CACNA1D: variants seen among roughly 807,000 people sequenced by gnomAD.
The protein encoded by CACNA1D is voltage-dependent L-type calcium channel subunit alpha-1D.
In CACNA1D, 55 loss-of-function variants were observed where a neutral mutation model predicts 257.1. The ratio of observed to expected loss-of-function variants is 0.21; its 90% CI spans 0.17 to 0.27. CACNA1D has a LOEUF of 0.27. Among genes scored for constraint, CACNA1D ranks in the 10% least tolerant of loss-of-function variants. The probability of loss-of-function intolerance (pLI) is 1.00; values close to 1 mark genes in which losing one functional copy is unlikely to be tolerated. For synonymous variants in CACNA1D, 980 were observed against 1,014.9 expected, an observed-to-expected ratio of 0.97 and a Z score of 0.65; for missense variants, 1,876 against 2,784.0, an observed-to-expected ratio of 0.67 and a Z score of 7.34.
At chr3:53,810,523 G>A (rs1033826419) in intron 47 of CACNA1D, 46 of 581,724 alleles carry the variant, frequency 7.9e-5, no homozygotes, top group Non-Finnish European at 1.1e-4. Flanking sequence ...TTGGGAGGCC[G>A]AGGCGGGTGG....
chr3:53,576,971 G>C lies in CACNA1D; in HGVS notation c.484-73808G>C, dbSNP rs754120182. ...TTCCTCTTAATATGTAAGAAGTGCA[G>C]CTTCTTCATATTGGTTCCAAAGGCA... is the stretch of plus-strand genomic sequence containing the variant. On this transcript the variant is annotated intron_variant, in intron 3 of 47. Coordinates refer to ENST00000350061, the MANE Select transcript of CACNA1D (RefSeq NM_001128840.3). Among the ~76,000 whole-genome samples, 481 of 152,186 alleles carry C rather than the reference G, an allele frequency of 3.2e-3. 9 individuals carry two copies. Among genetic ancestry groups the C allele is most frequent in the Non-Finnish European group, 3.6e-3 (245 of 68,032 alleles).
intron 18 of CACNA1D, among the ~76,000 whole-genome samples, chr3:53,732,386 C>A (rs966344024): frequency 6.6e-5 from 10 of 152,174 alleles, no homozygotes; most frequent in Non-Finnish European, 1.0e-4. Context: ...ATTTGACTGG[C>A]ACATTTATTG....
At chr3:53,694,703 G>A (rs1014185924) in intron 8 of CACNA1D, among the ~76,000 whole-genome samples, 3 of 152,170 alleles carry the variant, frequency 2.0e-5, no homozygotes, top group Non-Finnish European at 4.4e-5. Flanking sequence ...AAATAAATGA[G>A]GGGCTTTTTT....
At chr3:53,610,537 A>G (rs1324608324) in intron 3 of CACNA1D, among the ~76,000 whole-genome samples, 2 of 152,128 alleles carry the variant, frequency 1.3e-5, no homozygotes, top group African/African-American at 4.8e-5. Context: ...TATTTTGTCC[A>G]ATATTAAGGT....
intron 3 of CACNA1D, among the ~76,000 whole-genome samples, chr3:53,553,276 C>T (rs1464148251): frequency 6.6e-6 from 1 of 152,180 alleles, no homozygotes; most frequent in Non-Finnish European, 1.5e-5. Context: ...TACTTGTGTT[C>T]AACACAATCC....
At chr3:53,773,287 G>A (rs2095377087) in intron 33 of CACNA1D, 1 of 315,596 alleles carries the variant, frequency 3.2e-6, no homozygotes, top group Non-Finnish European at 6.0e-6. Flanking sequence ...GCTGAGCCAA[G>A]TGCCTTTTGT....
chr3:53,765,488 G>A (rs1559648162), intron 30 of CACNA1D: 4 of 152,422 alleles, frequency 2.6e-5, no homozygotes, highest in Non-Finnish European at 5.9e-5. Flanking sequence ...GCATATATAC[G>A]GTGAAGTCCT....
intron 40 of CACNA1D, among the ~76,000 whole-genome samples, chr3:53,792,859 G>A (rs974338182): frequency 2.0e-5 from 3 of 152,164 alleles, no homozygotes; most frequent in African/African-American, 7.2e-5. Flanking sequence ...TCCTCATTAT[G>A]GAAATGGGCC....
intron 26 of CACNA1D, among the ~76,000 whole-genome samples, chr3:53,748,332 G>A (rs75395900): frequency 0.027 from 4,047 of 152,228 alleles, 168 homozygotes; most frequent in African/African-American, 0.092. Context: ...GCTGGGGCTC[G>A]CAGGCCAGCA....
chr3:53,757,393 C>G (rs571215049), intron 29 of CACNA1D, among the ~76,000 whole-genome samples: 1 of 152,212 alleles, frequency 6.6e-6, no homozygotes, highest in African/African-American at 2.4e-5. Context: ...CCCTTCTTGC[C>G]TGGTAAGATG....
intron 3 of CACNA1D, among the ~76,000 whole-genome samples, chr3:53,586,341 G>C (rs778537612): frequency 6.6e-6 from 1 of 151,220 alleles, no homozygotes; most frequent in African/African-American, 2.4e-5. Context: ...TGGAAGATGA[G>C]AGCTTCTGGT....
chr3:53,628,435 C>T (rs2093784500), intron 3 of CACNA1D, among the ~76,000 whole-genome samples: 2 of 152,190 alleles, frequency 1.3e-5, no homozygotes, highest in South Asian at 2.1e-4. Flanking sequence ...TATAGTACTC[C>T]CTAACCCAAT....
intron 25 of CACNA1D, 143 bp from the exon 26 acceptor site, chr3:53,747,159 C>T (rs539102216): frequency 1.3e-5 from 10 of 752,932 alleles, no homozygotes; most frequent in Non-Finnish European, 2.2e-5. Context: ...GAAACGGCGC[C>T]GGTGTTATGC....
At chr3:53,499,855 A>T (rs950547760) in intron 2 of CACNA1D, among the ~76,000 whole-genome samples, 1 of 152,116 alleles carries the variant, frequency 6.6e-6, no homozygotes, top group Non-Finnish European at 1.5e-5. Context: ...TTCAGTGGGG[A>T]CCTACAAAAA....
At chr3:53,531,914 G>A (rs941473525) in intron 3 of CACNA1D, among the ~76,000 whole-genome samples, 5 of 152,146 alleles carry the variant, frequency 3.3e-5, no homozygotes, top group Non-Finnish European at 5.9e-5. Context: ...AATGTATGTT[G>A]CATGCCCAGC....
chr3:53,597,651 G>T (rs897365186), intron 3 of CACNA1D, among the ~76,000 whole-genome samples: 1 of 152,178 alleles, frequency 6.6e-6, no homozygotes, highest in Admixed American at 6.5e-5. Context: ...GAGGGCTAGG[G>T]CTAGGCTGAT....
At chr3:53,722,260 G>A in intron 11 of CACNA1D, 54 bp from the exon 12 acceptor site, 1 of 1,596,062 alleles carries the variant, frequency 6.3e-7, no homozygotes, top group Non-Finnish European at 8.6e-7. Flanking sequence ...ATATTTATTG[G>A]ATACTCAGAT....
intron 8 of CACNA1D, among the ~76,000 whole-genome samples, chr3:53,688,805 T>C (rs1236534286): frequency 6.6e-6 from 1 of 152,204 alleles, no homozygotes; most frequent in African/African-American, 2.4e-5. Context: ...AAAATAAATC[T>C]TGGTTTAAGT....
chr3:53,674,527 C>G (rs1168819287), intron 8 of CACNA1D, among the ~76,000 whole-genome samples: 1 of 152,224 alleles, frequency 6.6e-6, no homozygotes, highest in Admixed American at 6.5e-5. Context: ...CACTTCCTCT[C>G]TATGGATTGA....
Sources: gnomAD v4.1 joint callset for allele counts (sites outside exome capture counted in the v4.1 genomes callset) on GRCh38, gnomAD v4.1.1 for gene constraint, MANE v1.5 for transcripts, NCBI Gene and HGNC (gene_info 2026-07-23, HGNC 2026-07-21) for gene names.